The following ACAP2 variants were observed in gnomAD, a reference collection of about 807,000 sequenced individuals.
The protein encoded by ACAP2 is ArfGAP with coiled-coil, ankyrin repeat and PH domains 2, also known as arf-GAP with coiled-coil, ANK repeat and PH domain-containing protein 2.
A neutral mutation model predicts 115.8 loss-of-function variants in ACAP2; 39 were observed. The ratio of observed to expected loss-of-function variants is 0.34; its 90% confidence interval spans 0.26 to 0.44. The LOEUF is 0.44. Among genes scored for constraint, ACAP2 ranks in the 20% least tolerant of loss-of-function variants. ACAP2 has a pLI of 1.00. For synonymous variants in ACAP2, 289 were observed against 315.8 expected, an observed-to-expected ratio of 0.92 and a Z score of 0.90; for missense variants, 662 against 927.6, an observed-to-expected ratio of 0.71 and a Z score of 3.72.
intron 10 of ACAP2, among the ~76,000 whole-genome samples, chr3:195,316,438 C>CG (rs1393671830): frequency 2.6e-5 from 4 of 152,090 alleles, no homozygotes; most frequent in African/African-American, 9.7e-5. Context: ...CACTGTGTCG[C>CG]CCAGACTGGA....
chr3:195,278,989 A>G lies in ACAP2; in HGVS notation c.*339T>C, dbSNP rs1726310511. 5.7e-6 allele frequency: 1 copy of G among 175,072 alleles called. No homozygotes were observed. Among genetic ancestry groups the G allele is most frequent in the African/African-American group, 2.4e-5 (1 of 41,914 alleles). The allele number at this position is 175,072 out of a possible 1,614,324, so 10.8% of individuals were successfully genotyped here. On this transcript the variant is annotated 3_prime_UTR_variant, in exon 23 of 23. Transcript: ENST00000326793. The stretch of plus-strand genomic sequence containing the variant: ...TGATCCTGGGCAAGATGCATGGAGG[A>G]AAAAAATCAATGCCACCACCCATTG...
intron 4 of ACAP2, among the ~76,000 whole-genome samples, chr3:195,377,121 AGAGGAG>A (rs1295075105): frequency 1.4e-5 from 2 of 146,426 alleles, no homozygotes; most frequent in South Asian, 2.2e-4. Context: ...TTCATTTTAC[AGAGGAG>A]GAATGTAAAT....
intron 2 of ACAP2, among the ~76,000 whole-genome samples, chr3:195,386,708 G>A (rs1417706223): frequency 6.6e-6 from 1 of 152,004 alleles, no homozygotes; most frequent in Admixed American, 6.6e-5. Context: ...TAGATGATGC[G>A]TTGATGGGTG....
At chr3:195,320,452 T>C (rs1418464092) in intron 10 of ACAP2, among the ~76,000 whole-genome samples, 2 of 152,220 alleles carry the variant, frequency 1.3e-5, no homozygotes, top group East Asian at 3.8e-4. Context: ...ATTATAAAAA[T>C]TCTCCTTGCT....
chr3:195,299,109 C>G (rs1027636136), intron 15 of ACAP2, among the ~76,000 whole-genome samples: 16 of 152,224 alleles, frequency 1.1e-4, no homozygotes, highest in African/African-American at 3.1e-4. Flanking sequence ...TATATAAAGT[C>G]TTCTTTAAAA....
intron 9 of ACAP2, among the ~76,000 whole-genome samples, chr3:195,324,087 A>G (rs1030597929): frequency 2.6e-5 from 4 of 152,182 alleles, no homozygotes; most frequent in Non-Finnish European, 4.4e-5. Context: ...ATGAAATAAA[A>G]AAATTTTTAA....
Position 195,307,257 on chromosome 3 carries a change from G to C in ACAP2, c.976C>G (p.Arg326Gly). Residue 326 changes from arginine (R) to glycine (G), a missense_variant, in exon 12 of 23, where the codon CGA (arginine) becomes GGA (glycine). Transcript: ENST00000326793. ...CTVKHCEDIE[R>G]RFCFEVVSPT... ...GAGACCACCTCAAAGCAGAATCGTCGCTCTATGTCTTCACAATGTTTCACT... is the reference window on the plus strand; with the variant it reads ...GAGACCACCTCAAAGCAGAATCGTCCCTCTATGTCTTCACAATGTTTCACT... 6.2e-7 allele frequency: 1 copy of C among 1,613,384 alleles called. No individual in the cohort carries two copies.
At chr3:195,282,475 T>C (rs1227930513) in intron 22 of ACAP2, 1 of 152,264 alleles carries the variant, frequency 6.6e-6, no homozygotes, top group Non-Finnish European at 1.5e-5. Flanking sequence ...TCAAAATGTG[T>C]TGTCAAAAGC....
intron 4 of ACAP2, among the ~76,000 whole-genome samples, chr3:195,353,862 T>C (rs555193749): frequency 6.6e-6 from 1 of 152,198 alleles, no homozygotes; most frequent in South Asian, 2.1e-4. Flanking sequence ...CAGGGGTGCA[T>C]GTGCAGGATG....
In ACAP2 at chr3:195,276,073, A is replaced by G. The variant is rs1324575145; in HGVS notation, c.*3255T>C. 2.0e-5 allele frequency: 3 copies of G among 152,666 alleles called. No individual in the cohort carries two copies. The highest frequency in any genetic ancestry group is 4.8e-5 in the African/African-American group (2 of 41,466). 9.5% of individuals were successfully genotyped at this position (152,666 alleles called of 1,614,324 possible). A position where few individuals can be genotyped will look rare whatever the true frequency, so the allele number is the denominator to read the frequency against. ...AAGAATGATCTGGGAATGTCTGTTC[A>G]AAACGGTAGTAAATTTAGTCTTAAA... On this transcript the variant is annotated 3_prime_UTR_variant, in exon 23 of 23. Coordinates refer to ENST00000326793, the MANE Select transcript of ACAP2 (RefSeq NM_012287.6).
At chr3:195,415,980 T>C (rs1021683448) in intron 1 of ACAP2, among the ~76,000 whole-genome samples, 1 of 151,910 alleles carries the variant, frequency 6.6e-6, no homozygotes, top group African/African-American at 2.4e-5. Flanking sequence ...AACAGGCCAA[T>C]AGAAAAATAA....
intron 4 of ACAP2, among the ~76,000 whole-genome samples, chr3:195,373,155 G>A (rs1305393873): frequency 1.3e-5 from 2 of 152,040 alleles, no homozygotes; most frequent in Non-Finnish European, 2.9e-5. Flanking sequence ...TTTGGAGCCA[G>A]GTGCAGTGGC....
At chr3:195,379,395 A>G (rs866667502) in intron 4 of ACAP2, among the ~76,000 whole-genome samples, 4 of 152,210 alleles carry the variant, frequency 2.6e-5, no homozygotes, top group Admixed American at 2.0e-4. Context: ...AAATGAGAGA[A>G]AATATTTGTA....
intron 20 of ACAP2, among the ~76,000 whole-genome samples, chr3:195,290,100 A>G (rs1192049739): frequency 6.6e-6 from 1 of 152,202 alleles, no homozygotes; most frequent in African/African-American, 2.4e-5. Flanking sequence ...ATGGCTGGGC[A>G]AGGTAAGCAC....
At chr3:195,371,746 G>A (rs1174925097) in intron 4 of ACAP2, among the ~76,000 whole-genome samples, 2 of 152,010 alleles carry the variant, frequency 1.3e-5, no homozygotes, top group Admixed American at 6.6e-5. Flanking sequence ...TCCACCTCCC[G>A]GGCTCAAGCA....
chr3:195,439,494 T>G (rs1715841810), intron 1 of ACAP2, among the ~76,000 whole-genome samples: 1 of 152,180 alleles, frequency 6.6e-6, no homozygotes. Flanking sequence ...ATTTTTATAC[T>G]TGAACACTGC....
chr3:195,397,611 A>G lies in ACAP2; in HGVS notation c.54-5464T>C, dbSNP rs1014557516. On this transcript the variant is annotated intron_variant, in intron 1 of 22. Transcript: ENST00000326793. The stretch of plus-strand genomic sequence containing the variant: ...GAGGCAGTAGAATAAAGTTCAAAAA[A>G]AAAAAAGAAAACTTCTTGTGTTTGA... Among the ~76,000 whole-genome samples, 53 of 152,316 alleles carry G rather than the reference A, an allele frequency of 3.5e-4. No individual in the cohort carries two copies. The Middle Eastern group carries it at 0.017, about 49-fold the overall frequency.
In ACAP2 at chr3:195,299,146, T is replaced by C. The variant is rs149261909; in HGVS notation, c.1396-1865A>G. ...CTGCACTGGTACTGTGAGACATCAC[T>C]GCATCAGACTAGTAGCACAGAAATC... On this transcript the variant is annotated intron_variant, in intron 15 of 22. Transcript: ENST00000326793. Among the ~76,000 whole-genome samples the C allele has an allele frequency of 1.8e-3, 271 of 152,338 alleles. 1 individual carries two copies. The highest frequency in any genetic ancestry group is 6.2e-3 in the African/African-American group (258 of 41,582).
intron 4 of ACAP2, among the ~76,000 whole-genome samples, chr3:195,354,883 G>T (rs975731989): frequency 6.6e-6 from 1 of 152,170 alleles, no homozygotes; most frequent in Non-Finnish European, 1.5e-5. Context: ...TTGTTTTGGA[G>T]ACAAGAGTCT....
Sources: allele counts gnomAD v4.1 joint callset (sites outside exome capture counted in the v4.1 genomes callset), GRCh38; gene constraint gnomAD v4.1.1; transcripts MANE v1.5; gene names NCBI Gene and HGNC (gene_info 2026-07-23, HGNC 2026-07-21).